Variants in RARB observed in about 807,000 individuals in gnomAD.
RARB encodes HBV-activated protein.
In RARB, 17 loss-of-function variants were observed where a neutral mutation model predicts 51.9. The ratio of observed to expected loss-of-function variants is 0.33; its 90% CI spans 0.22 to 0.49. The LOEUF (loss-of-function observed/expected upper bound fraction) is 0.49. Among genes scored for constraint, RARB ranks in the 20% least tolerant of loss-of-function variants. The pLI is 0.99. For missense variants in RARB, 369 were observed against 550.8 expected, an observed-to-expected ratio of 0.67 and a Z score of 3.30; for synonymous variants, 215 against 195.4, an observed-to-expected ratio of 1.10 and a Z score of -0.84.
chr3:25,279,729 G>A (rs984331512), intron 5 of RARB, among the ~76,000 whole-genome samples: 1 of 152,192 alleles, frequency 6.6e-6, no homozygotes, highest in African/African-American at 2.4e-5. Flanking sequence ...TTGGTGGTGA[G>A]GATGGTTGAG....
chr3:25,295,601 A>G (rs1025732185), intron 5 of RARB, among the ~76,000 whole-genome samples: 1 of 152,228 alleles, frequency 6.6e-6, no homozygotes, highest in African/African-American at 2.4e-5. Flanking sequence ...AAAGAGTCCC[A>G]GCCTCATGAC....
At chr3:25,084,629 A>T (rs1177635946) in intron 3 of RARB, among the ~76,000 whole-genome samples, 1 of 152,082 alleles carries the variant, frequency 6.6e-6, no homozygotes, top group African/African-American at 2.4e-5. Context: ...ACCATTTTAA[A>T]GGAGATGTAT....
At chr3:25,186,885 C>CTGTGTGTGTGTGTGTGTGTG (rs71057702) in intron 5 of RARB, among the ~76,000 whole-genome samples, 12 of 114,220 alleles carry the variant, frequency 1.1e-4, no homozygotes, top group Admixed American at 1.9e-4. Context: ...AAAGGTAAGC[C>CTGTGTGTGTGTGTGTGTGTG]TGTGTGTGTG....
intron 3 of RARB, among the ~76,000 whole-genome samples, chr3:25,534,955 G>T (rs180930804): frequency 1.5e-4 from 23 of 152,294 alleles, no homozygotes; most frequent in Admixed American, 3.3e-4. Flanking sequence ...ATGCTTGCCA[G>T]TAAAGTGAAT....
intron 5 of RARB, among the ~76,000 whole-genome samples, chr3:25,359,883 T>C: frequency 6.6e-6 from 1 of 152,128 alleles, no homozygotes; most frequent in Non-Finnish European, 1.5e-5. Flanking sequence ...CTGAGGAATG[T>C]TTTACTTCCA....
rs532767411 is a variant in RARB at position 25,507,853 on chromosome 3, C to G, written c.448+6530C>G. Among the ~76,000 whole-genome samples, 145 of 152,218 alleles carry G rather than the reference C, an allele frequency of 9.5e-4. 1 individual carries two copies. Among genetic ancestry groups the G allele is most frequent in the African/African-American group, 3.3e-3 (139 of 41,532 alleles). Reference sequence around the variant, plus strand: ...TACCCTGGATGCCCCTGAGGTTAGGCTAGGTTCCCATGGGTCATTGGCCTC... The same window carrying G: ...TACCCTGGATGCCCCTGAGGTTAGGGTAGGTTCCCATGGGTCATTGGCCTC... On this transcript the variant is annotated intron_variant, in intron 3 of 7. Transcript: ENST00000330688.
intron 5 of RARB, among the ~76,000 whole-genome samples, chr3:25,307,509 T>G (rs946189411): frequency 6.6e-6 from 1 of 152,238 alleles, no homozygotes; most frequent in African/African-American, 2.4e-5. Context: ...ATGGCATCTC[T>G]GGTCACAGTT....
intron 5 of RARB, among the ~76,000 whole-genome samples, chr3:25,327,592 T>C (rs1055035216): frequency 6.6e-5 from 10 of 152,222 alleles, no homozygotes; most frequent in African/African-American, 2.4e-4. Context: ...AATGTTTCTC[T>C]CCACTGTACT....
chr3:24,974,296 G>A (rs570031144), intron 2 of RARB, among the ~76,000 whole-genome samples: 7 of 152,082 alleles, frequency 4.6e-5, no homozygotes, highest in African/African-American at 1.2e-4. Flanking sequence ...ACTTGATCAC[G>A]GTGAATAATT....
intron 5 of RARB, among the ~76,000 whole-genome samples, chr3:25,219,179 T>C (rs1191309295): frequency 1.3e-5 from 2 of 152,150 alleles, no homozygotes; most frequent in Non-Finnish European, 2.9e-5. Context: ...TAAAATTTAA[T>C]AGATAATATC....
chr3:25,212,767 G>C (rs551948547), intron 5 of RARB, among the ~76,000 whole-genome samples: 1 of 151,758 alleles, frequency 6.6e-6, no homozygotes, highest in Non-Finnish European at 1.5e-5. Flanking sequence ...TTTTTTGTGA[G>C]TATGAAAAAA....
At chr3:24,913,853 A>G (rs962466121) in intron 2 of RARB, among the ~76,000 whole-genome samples, 1 of 152,214 alleles carries the variant, frequency 6.6e-6, no homozygotes, top group African/African-American at 2.4e-5. Context: ...CCAGTCTAAA[A>G]TAGTACTCCA....
chr3:25,351,999 G>A (rs949961565), intron 5 of RARB, among the ~76,000 whole-genome samples: 4 of 152,160 alleles, frequency 2.6e-5, no homozygotes, highest in Admixed American at 1.3e-4. Context: ...GTCGAAATAA[G>A]AAACAACAGT....
At chr3:25,298,839 A>AC (rs1240370490) in intron 5 of RARB, among the ~76,000 whole-genome samples, 1 of 152,018 alleles carries the variant, frequency 6.6e-6, no homozygotes, top group Non-Finnish European at 1.5e-5. Flanking sequence ...TTGTCCAAGA[A>AC]CCCCTCAAGG....
At chr3:24,975,544 T>C (rs1163156539) in intron 2 of RARB, among the ~76,000 whole-genome samples, 1 of 152,160 alleles carries the variant, frequency 6.6e-6, no homozygotes, top group Admixed American at 6.6e-5. Flanking sequence ...CATTTAATTT[T>C]TCTATAATTT....
At chr3:25,041,731 T>C (rs940333613) in intron 2 of RARB, among the ~76,000 whole-genome samples, 2 of 152,048 alleles carry the variant, frequency 1.3e-5, no homozygotes, top group Non-Finnish European at 2.9e-5. Flanking sequence ...CCTCCCCTAA[T>C]GCCAACTAGT....
chr3:24,845,361 T>C (rs1490126429), intron 1 of RARB, among the ~76,000 whole-genome samples: 1 of 152,078 alleles, frequency 6.6e-6, no homozygotes, highest in African/African-American at 2.4e-5. Context: ...GAGCAGTAGG[T>C]AAGAAGGATT....
chr3:25,226,332 G>A (rs1175187584), intron 5 of RARB, among the ~76,000 whole-genome samples: 1 of 152,064 alleles, frequency 6.6e-6, no homozygotes, highest in Non-Finnish European at 1.5e-5. Flanking sequence ...CTTTAAAATA[G>A]CAGTGAACTT....
intron 5 of RARB, among the ~76,000 whole-genome samples, chr3:25,201,585 A>T (rs1012995279): frequency 2.0e-5 from 3 of 152,102 alleles, no homozygotes; most frequent in African/African-American, 7.2e-5. Context: ...AATAGCTCTT[A>T]TTATTTTGAG....
Sources: gnomAD v4.1 joint callset for allele counts (sites outside exome capture counted in the v4.1 genomes callset) on GRCh38, gnomAD v4.1.1 for gene constraint, MANE v1.5 for transcripts, NCBI Gene and HGNC (gene_info 2026-07-23, HGNC 2026-07-21) for gene names.